The following PRPF39 variants were observed in gnomAD, a reference collection of about 807,000 sequenced individuals.
The protein encoded by PRPF39 is pre-mRNA-processing factor 39.
PRPF39 carries 27 observed loss-of-function variants against 82.1 expected under a neutral mutation model. That is an observed-to-expected ratio of 0.33 (90% CI 0.24 to 0.45). The LOEUF (loss-of-function observed/expected upper bound fraction) is 0.45. Ranked by LOEUF, PRPF39 falls within the 20% of genes least tolerant of loss-of-function variation. The probability of loss-of-function intolerance (pLI) is 1.00; values close to 1 mark genes in which losing one functional copy is unlikely to be tolerated. For synonymous variants in PRPF39, 261 were observed against 256.4 expected (o/e 1.02, Z -0.17); for missense variants, 581 against 796.9 (o/e 0.73, Z 3.26).
At chr14:45,109,180 C>G in intron 7 of PRPF39, among the ~76,000 whole-genome samples, 1 of 152,132 alleles carries the variant, frequency 6.6e-6, no homozygotes, top group East Asian at 1.9e-4. Context: ...AATATGGAAT[C>G]ATTTCACAGA....
intron 1 of PRPF39, among the ~76,000 whole-genome samples, chr14:45,091,401 C>CGAAGTGTTG (rs1884020164): frequency 6.6e-6 from 1 of 152,160 alleles, no homozygotes; most frequent in African/African-American, 2.4e-5. Flanking sequence ...CTTGGCTTCC[C>CGAAGTGTTG]GAAGTGTTGG....
At position 45,102,583 on chromosome 14, in the gene PRPF39, G is replaced by A. The variant is rs1352117599; in HGVS notation, c.624G>A (p.Leu208=). Residue 208 remains leucine (L), a synonymous_variant, in exon 5 of 14, where the codon CTG becomes CTA. Coordinates refer to ENST00000355765, the MANE Select transcript of PRPF39 (RefSeq NM_017922.4). ...AAGTDFRSDR[L]WEMYINWENE... Reference sequence around the variant, plus strand: ...GAACAGATTTCCGTTCTGACAGACTGTGGGAAATGTATATAAACTGGGAAA... The same window carrying A: ...GAACAGATTTCCGTTCTGACAGACTATGGGAAATGTATATAAACTGGGAAA... The A allele has an allele frequency of 3.7e-6, 6 of 1,611,924 alleles. No homozygotes were observed. Among genetic ancestry groups the A allele is most frequent in the East Asian group, 4.5e-5 (2 of 44,690 alleles).
chr14:45,092,696 A>G (rs1465418168), intron 1 of PRPF39, among the ~76,000 whole-genome samples: 1 of 152,056 alleles, frequency 6.6e-6, no homozygotes, highest in Non-Finnish European at 1.5e-5. Flanking sequence ...TTTACCCACA[A>G]ACAAGTTTCT....
At chr14:45,109,988 A>G in intron 8 of PRPF39, 106 bp from the exon 9 acceptor site, 5 of 1,577,932 alleles carry the variant, frequency 3.2e-6, no homozygotes, top group East Asian at 2.2e-5. Context: ...TAGTGGTTCA[A>G]TAAAGGTGCT....
chr14:45,093,195 TTTAATTC>T (rs573473868), intron 1 of PRPF39, among the ~76,000 whole-genome samples: 9 of 152,144 alleles, frequency 5.9e-5, no homozygotes, highest in Non-Finnish European at 8.8e-5. Context: ...ATATTTCCTT[TTTAATTC>T]TTATTATTCC....
chr14:45,102,801 G>C (rs1884415669), intron 5 of PRPF39, 105 bp downstream of exon 5: 1 of 1,134,402 alleles, frequency 8.8e-7, no homozygotes, highest in Non-Finnish European at 1.2e-6. Context: ...TTTATTATGT[G>C]GAAAGAGGAA....
chr14:45,107,340 T>C, intron 5 of PRPF39, 111 bp from the exon 6 acceptor site: 1 of 770,500 alleles, frequency 1.3e-6, no homozygotes, highest in Non-Finnish European at 2.0e-6. Context: ...GTATGATATT[T>C]TGGTTTCTTT....
intron 7 of PRPF39, 25 bp from the exon 8 acceptor site, chr14:45,109,591 T>C: frequency 6.3e-7 from 1 of 1,579,016 alleles, no homozygotes; most frequent in South Asian, 1.1e-5. Flanking sequence ...TTTACTTTCA[T>C]TGGCATGTTA....
intron 4 of PRPF39, among the ~76,000 whole-genome samples, chr14:45,100,986 A>T (rs1305266859): frequency 3.9e-5 from 6 of 152,060 alleles, no homozygotes; most frequent in Non-Finnish European, 1.5e-5. Flanking sequence ...ATATACTCCC[A>T]CTGTTGAATT....
chr14:45,109,428 GTAT>G (rs1388728157), intron 7 of PRPF39, among the ~76,000 whole-genome samples, 185 bp from the exon 8 acceptor site: 1 of 149,964 alleles, frequency 6.7e-6, no homozygotes, highest in East Asian at 1.9e-4. Flanking sequence ...GAGAGAAAAT[GTAT>G]TATTTCATTT....
At chr14:45,100,518 A>AT (rs1884342247) in intron 4 of PRPF39, among the ~76,000 whole-genome samples, 1 of 152,206 alleles carries the variant, frequency 6.6e-6, no homozygotes, top group South Asian at 2.1e-4. Flanking sequence ...ACGATTCATT[A>AT]AGTATACCTT....
chr14:45,106,616 G>GT (rs1379545437), intron 5 of PRPF39, among the ~76,000 whole-genome samples: 5 of 152,070 alleles, frequency 3.3e-5, no homozygotes, highest in Non-Finnish European at 7.4e-5. Flanking sequence ...TTTGTGCAGA[G>GT]TATTGGCAGT....
At chr14:45,114,388 G>A in intron 12 of PRPF39, 106 bp from the exon 13 acceptor site, 3 of 1,357,416 alleles carry the variant, frequency 2.2e-6, no homozygotes, top group Non-Finnish European at 3.0e-6. Context: ...AAAGTCTTGA[G>A]TGATTCAGAA....
At chr14:45,112,274 TA>T in intron 10 of PRPF39, 43 bp from the exon 11 acceptor site, 1 of 1,455,112 alleles carries the variant, frequency 6.9e-7, no homozygotes, top group Non-Finnish European at 9.2e-7. Flanking sequence ...TGTGCTCTAA[TA>T]AAAATATTTT....
intron 8 of PRPF39, 131 bp downstream of exon 8, chr14:45,109,911 A>G: frequency 6.6e-7 from 1 of 1,513,912 alleles, no homozygotes; most frequent in Non-Finnish European, 8.8e-7. Context: ...TCTGCTTGCA[A>G]CCAGATTTGA....
chr14:45,087,284 G>C (rs1284287461), intron 1 of PRPF39, among the ~76,000 whole-genome samples: 1 of 151,970 alleles, frequency 6.6e-6, no homozygotes, highest in Admixed American at 6.6e-5. Flanking sequence ...TTTTTTTGTA[G>C]AGACAGCATT....
intron 4 of PRPF39, among the ~76,000 whole-genome samples, chr14:45,097,254 T>C (rs1041978824): frequency 1.3e-5 from 2 of 152,184 alleles, no homozygotes; most frequent in Non-Finnish European, 2.9e-5. Flanking sequence ...CTTTCAGATA[T>C]ATGTATAAGT....
At chr14:45,099,635 A>G (rs959734932) in intron 4 of PRPF39, among the ~76,000 whole-genome samples, 77 of 151,852 alleles carry the variant, frequency 5.1e-4, no homozygotes, top group African/African-American at 1.8e-3. Flanking sequence ...TAGTAGAGAC[A>G]GGGTTTCACC....
At chr14:45,098,595 G>GT (rs749646080) in intron 4 of PRPF39, among the ~76,000 whole-genome samples, 41 of 152,050 alleles carry the variant, frequency 2.7e-4, no homozygotes, top group African/African-American at 9.2e-4. Flanking sequence ...AACATTTAAG[G>GT]TTTTTTCATA....
Sources: allele counts gnomAD v4.1 joint callset (sites outside exome capture counted in the v4.1 genomes callset), GRCh38; gene constraint gnomAD v4.1.1; transcripts MANE v1.5; gene names NCBI Gene and HGNC (gene_info 2026-07-23, HGNC 2026-07-21).